SCML2: variants seen among roughly 807,000 people sequenced by gnomAD.
The protein encoded by SCML2 is Scm polycomb group protein like 2, also known as sex comb on midleg-like protein 2.
SCML2 carries 6 observed loss-of-function variants against 48.4 expected under a neutral mutation model. That is an observed-to-expected ratio of 0.12 (90% CI 0.07 to 0.24). The LOEUF (loss-of-function observed/expected upper bound fraction) is 0.24. Ranked by LOEUF, SCML2 falls within the 10% of genes least tolerant of loss-of-function variation. SCML2 has a pLI of 1.00. For missense variants in SCML2, 377 were observed against 528.2 expected (o/e 0.71, Z 2.81); for synonymous variants, 181 against 189.5 (o/e 0.95, Z 0.37).
intron 7 of SCML2, among the ~76,000 whole-genome samples, chrX:18,281,061 T>A (rs145172303): frequency 0.017 from 1,500 of 89,180 alleles, 23 homozygotes; most frequent in African/African-American, 0.053. Context: ...CCTTCTCATC[T>A]GCACACAGAA....
intron 6 of SCML2, among the ~76,000 whole-genome samples, chrX:18,317,999 C>T (rs1288277731): frequency 9.0e-6 from 1 of 111,387 alleles, no homozygotes; most frequent in African/African-American, 3.3e-5. Flanking sequence ...ACATGAATTA[C>T]TTTTATAATT....
chrX:18,315,634 C>A (rs1324282240), intron 6 of SCML2, among the ~76,000 whole-genome samples: 1 of 111,444 alleles, frequency 9.0e-6, no homozygotes, highest in African/African-American at 3.3e-5. Flanking sequence ...AAAACTATTA[C>A]AAGGACTCTC....
chrX:18,323,908 T>C lies in SCML2; in HGVS notation c.348A>G (p.Gln116=). The change falls in exon 5 of 15, where the codon CAA becomes CAG. Residue 116 remains glutamine, a synonymous_variant. Coordinates refer to ENST00000251900, the MANE Select transcript of SCML2 (RefSeq NM_006089.3). ...CTTCCTTTTCACATGTCCCAACAGG[T>C]TGTATGTCTGGGGAATCGACAAGCC... is the stretch of plus-strand genomic sequence containing the variant. ...FWRLVDSPDI[Q]PVGTCEKEGD... is the part of the protein sequence containing the mutation. The C allele has an allele frequency of 8.3e-7, 1 of 1,211,171 alleles. No homozygotes were observed. Among genetic ancestry groups the C allele is most frequent in the Non-Finnish European group, 1.1e-6 (1 of 894,959 alleles).
At chrX:18,302,450 G>C (rs1801810298) in intron 7 of SCML2, among the ~76,000 whole-genome samples, 1 of 110,949 alleles carries the variant, frequency 9.0e-6, no homozygotes, top group Non-Finnish European at 1.9e-5. Context: ...TTCAAACCAT[G>C]TGCACTGGAA....
intron 1 of SCML2, among the ~76,000 whole-genome samples, chrX:18,353,982 TC>T (rs1930455861): frequency 8.9e-6 from 1 of 112,182 alleles, no homozygotes; most frequent in African/African-American, 3.2e-5. Context: ...CCTCCTCGCC[TC>T]CCCGCCAGCC....
chrX:18,302,335 G>A (rs947288656), intron 7 of SCML2, among the ~76,000 whole-genome samples: 4 of 110,568 alleles, frequency 3.6e-5, no homozygotes, highest in African/African-American at 1.3e-4. Flanking sequence ...CTGTTGCCAT[G>A]GAAGCCAACC....
intron 14 of SCML2, 115 bp downstream of exon 14, chrX:18,242,324 G>A (rs751981144): frequency 7.6e-6 from 6 of 791,557 alleles, no homozygotes; most frequent in Non-Finnish European, 1.0e-5. Flanking sequence ...TCTCACATAT[G>A]GAAAAATCAG....
intron 3 of SCML2, 103 bp downstream of exon 3, chrX:18,330,484 T>C (rs1290929497): frequency 4.6e-6 from 2 of 436,444 alleles, no homozygotes; most frequent in African/African-American, 5.0e-5. Flanking sequence ...GTATACAGAC[T>C]GTACAATAAG....
At chrX:18,335,903 T>C (rs1209106114) in intron 1 of SCML2, among the ~76,000 whole-genome samples, 1 of 111,734 alleles carries the variant, frequency 8.9e-6, no homozygotes, top group African/African-American at 3.3e-5. Context: ...TTTTTGAAAA[T>C]GGAGAAGATT....
intron 8 of SCML2, among the ~76,000 whole-genome samples, chrX:18,262,888 G>A (rs1465047400): frequency 9.4e-6 from 1 of 106,827 alleles, no homozygotes; most frequent in Admixed American, 9.9e-5. Context: ...GCTAATTTGT[G>A]TATTTTGTGT....
At chrX:18,275,818 C>T (rs1358254408) in intron 7 of SCML2, among the ~76,000 whole-genome samples, 2 of 112,207 alleles carry the variant, frequency 1.8e-5, no homozygotes, top group African/African-American at 6.5e-5. Flanking sequence ...AAATACTCAT[C>T]GACCAACTTA....
At chrX:18,258,387 T>A (rs912214305) in intron 9 of SCML2, 140 bp from the exon 10 acceptor site, 7 of 422,670 alleles carry the variant, frequency 1.7e-5, no homozygotes, top group South Asian at 9.1e-5. Flanking sequence ...TCAATGATCA[T>A]TTCTGCTACC....
chrX:18,286,951 T>C (rs1428089202), intron 7 of SCML2, among the ~76,000 whole-genome samples: 1 of 110,209 alleles, frequency 9.1e-6, no homozygotes, highest in African/African-American at 3.3e-5. Flanking sequence ...CTTGCACCAA[T>C]TTCCCTATTT....
chrX:18,291,763 A>G (rs1928240327), intron 7 of SCML2, among the ~76,000 whole-genome samples: 1 of 111,969 alleles, frequency 8.9e-6, no homozygotes, highest in Non-Finnish European at 1.9e-5. Context: ...AAGAATAGAA[A>G]CATTCAAAAT....
intron 1 of SCML2, among the ~76,000 whole-genome samples, chrX:18,347,478 G>A (rs1274343482): frequency 9.3e-6 from 1 of 106,966 alleles, no homozygotes; most frequent in African/African-American, 3.4e-5. Context: ...TAGGCCGGGC[G>A]CAGGGGCTCA....
intron 1 of SCML2, among the ~76,000 whole-genome samples, chrX:18,345,107 T>C (rs753718472): frequency 8.9e-6 from 1 of 111,927 alleles, no homozygotes; most frequent in Non-Finnish European, 1.9e-5. Flanking sequence ...CTCAAAGACC[T>C]GCCCAAGATC....
chrX:18,344,136 C>T (rs1328498372), intron 1 of SCML2, among the ~76,000 whole-genome samples: 1 of 109,310 alleles, frequency 9.1e-6, no homozygotes, highest in Non-Finnish European at 1.9e-5. Context: ...AAGTTCAAGA[C>T]CAGCCCGGGC....
chrX:18,302,992 C>G (rs1390109899), intron 7 of SCML2, among the ~76,000 whole-genome samples: 1 of 111,727 alleles, frequency 9.0e-6, no homozygotes. Context: ...TATGAAAGCT[C>G]TGCTCCACCA....
intron 6 of SCML2, among the ~76,000 whole-genome samples, chrX:18,314,700 T>A (rs888523597): frequency 7.1e-5 from 8 of 111,893 alleles, no homozygotes; most frequent in Non-Finnish European, 1.5e-4. Flanking sequence ...ACATGCTAAC[T>A]GCTCAAAAGG....
Sources: allele counts gnomAD v4.1 joint callset (sites outside exome capture counted in the v4.1 genomes callset), GRCh38; gene constraint gnomAD v4.1.1; transcripts MANE v1.5; gene names NCBI Gene and HGNC (gene_info 2026-07-23, HGNC 2026-07-21).